SORCS3: variants seen among roughly 807,000 people sequenced by gnomAD.
SORCS3 encodes the protein sortilin related VPS10 domain containing receptor 3, also known as VPS10 domain-containing receptor SorCS3.
SORCS3 carries 57 observed loss-of-function variants against 146.3 expected under a neutral mutation model. The ratio of observed to expected loss-of-function variants is 0.39; its 90% CI spans 0.31 to 0.49. SORCS3 has a LOEUF of 0.49. Among genes scored for constraint, SORCS3 ranks in the 20% least tolerant of loss-of-function variants. The pLI is 0.92. For synonymous variants in SORCS3, 653 were observed against 618.5 expected (o/e 1.06, Z -0.83); for missense variants, 1,341 against 1,575.5 (o/e 0.85, Z 2.52).
At chr10:104,976,559 G>T (rs1195907146) in intron 3 of SORCS3, among the ~76,000 whole-genome samples, 3 of 152,094 alleles carry the variant, frequency 2.0e-5, no homozygotes, top group African/African-American at 7.2e-5. Context: ...TCCCATTACT[G>T]GGTATATACC....
intron 1 of SORCS3, among the ~76,000 whole-genome samples, chr10:104,702,239 G>T (rs1431134652): frequency 6.6e-6 from 1 of 152,166 alleles, no homozygotes; most frequent in African/African-American, 2.4e-5. Context: ...CTGCCATCCA[G>T]TTCCCTTCCT....
chr10:104,866,044 A>G (rs1049054180), intron 2 of SORCS3, among the ~76,000 whole-genome samples: 7 of 152,230 alleles, frequency 4.6e-5, no homozygotes, highest in Admixed American at 4.6e-4. Flanking sequence ...AGAAATGCAC[A>G]TAGAACAGAG....
At chr10:104,703,883 T>C (rs2016308154) in intron 1 of SORCS3, among the ~76,000 whole-genome samples, 1 of 151,354 alleles carries the variant, frequency 6.6e-6, no homozygotes, top group Non-Finnish European at 1.5e-5. Flanking sequence ...AAAATTAGAG[T>C]GTAGGAGGAT....
intron 5 of SORCS3, among the ~76,000 whole-genome samples, chr10:105,046,793 G>A (rs2055375470): frequency 6.6e-6 from 1 of 152,028 alleles, no homozygotes; most frequent in African/African-American, 2.4e-5. Context: ...CAAGAAGAAA[G>A]ACAACTGACA....
chr10:104,973,503 C>T (rs950694399), intron 3 of SORCS3, among the ~76,000 whole-genome samples: 1 of 151,966 alleles, frequency 6.6e-6, no homozygotes, highest in Non-Finnish European at 1.5e-5. Flanking sequence ...GTAGTATTCT[C>T]TGATGGTAGT....
chr10:105,039,104 G>A (rs1373617944), intron 4 of SORCS3, among the ~76,000 whole-genome samples: 1 of 152,156 alleles, frequency 6.6e-6, no homozygotes, highest in Non-Finnish European at 1.5e-5. Flanking sequence ...AGTTCCTAGA[G>A]CATAGTAGTT....
intron 3 of SORCS3, among the ~76,000 whole-genome samples, chr10:104,917,178 C>T (rs1186187083): frequency 6.6e-6 from 1 of 152,210 alleles, no homozygotes; most frequent in African/African-American, 2.4e-5. Flanking sequence ...CTTTGATCAT[C>T]AGGCTGGCTG....
intron 26 of SORCS3, 117 bp downstream of exon 26, chr10:105,262,608 T>A: frequency 9.6e-7 from 1 of 1,044,722 alleles, no homozygotes; most frequent in Non-Finnish European, 1.3e-6. Context: ...CTACCTACAG[T>A]GACAGAATCA....
At chr10:104,671,325 CTTTTTTTTTTT>C (rs771029154) in intron 1 of SORCS3, among the ~76,000 whole-genome samples, 22 of 19,204 alleles carry the variant, frequency 1.1e-3, no homozygotes, top group South Asian at 4.7e-3. Flanking sequence ...CATTCTTTTC[CTTTTTTTTTTT>C]TTTTTTTTTT....
At chr10:105,149,791 G>A (rs1589656415) in intron 9 of SORCS3, among the ~76,000 whole-genome samples, 1 of 152,234 alleles carries the variant, frequency 6.6e-6, no homozygotes, top group East Asian at 1.9e-4. Context: ...AAGAAGGGGT[G>A]CCTGAAACTC....
At chr10:104,712,721 T>G (rs545240022) in intron 1 of SORCS3, among the ~76,000 whole-genome samples, 3 of 152,210 alleles carry the variant, frequency 2.0e-5, no homozygotes, top group Non-Finnish European at 4.4e-5. Flanking sequence ...AGGATAGCTA[T>G]GGACCTACTG....
At chr10:104,849,896 T>C (rs1195623189) in intron 2 of SORCS3, among the ~76,000 whole-genome samples, 1 of 152,170 alleles carries the variant, frequency 6.6e-6, no homozygotes, top group Non-Finnish European at 1.5e-5. Context: ...AGAGAGAATA[T>C]TCCTGTCTTC....
At chr10:104,721,026 G>A (rs138843294) in intron 1 of SORCS3, among the ~76,000 whole-genome samples, 574 of 152,310 alleles carry the variant, frequency 3.8e-3, no homozygotes, top group Non-Finnish European at 6.1e-3. Flanking sequence ...ATGGCTTTTG[G>A]TGTTATAGAC....
In SORCS3 at chr10:104,665,031, G is replaced by A. The variant is rs373259205; in HGVS notation, c.627+23077G>A. ...GTGACATGTTTGAGGACTGGAGAGT[G>A]GCCTGGGAATAGAGCCTTCCAGCTG... On this transcript the variant is annotated intron_variant, in intron 1 of 26. Coordinates refer to ENST00000369701, the MANE Select transcript of SORCS3 (RefSeq NM_014978.3). 8.5e-5 allele frequency: 13 copies of A among 152,906 alleles called. 1 individual carries two copies. The East Asian group carries it at 2.1e-3, about 25-fold the overall frequency. The allele number at this position is 152,906 out of a possible 1,614,324, so 9.5% of individuals were successfully genotyped here.
intron 4 of SORCS3, among the ~76,000 whole-genome samples, chr10:105,014,122 C>CAT (rs199696544): frequency 4.8e-4 from 70 of 145,870 alleles, no homozygotes; most frequent in East Asian, 4.0e-3. Flanking sequence ...CATATATATA[C>CAT]ATATATATAT....
At chr10:104,926,525 G>T (rs910845308) in intron 3 of SORCS3, among the ~76,000 whole-genome samples, 3 of 152,132 alleles carry the variant, frequency 2.0e-5, no homozygotes, top group Non-Finnish European at 2.9e-5. Context: ...AAAAGAACCA[G>T]AAAAGACTCC....
intron 6 of SORCS3, among the ~76,000 whole-genome samples, chr10:105,093,732 A>G (rs1160359181): frequency 1.3e-5 from 2 of 152,210 alleles, no homozygotes; most frequent in Admixed American, 6.5e-5. Context: ...AAAAATGACA[A>G]TATCAAGTGC....
chr10:104,694,567 A>C (rs1447789968), intron 1 of SORCS3, among the ~76,000 whole-genome samples: 1 of 152,074 alleles, frequency 6.6e-6, no homozygotes, highest in African/African-American at 2.4e-5. Context: ...GCATAGCTCA[A>C]AGTTATCCCA....
chr10:105,060,941 A>AC (rs2133717939), intron 5 of SORCS3, among the ~76,000 whole-genome samples: 1 of 122,788 alleles, frequency 8.1e-6, no homozygotes, highest in Non-Finnish European at 1.8e-5. Flanking sequence ...CCGTCTTAAA[A>AC]CAAAAAAAAA....
Sources: allele counts gnomAD v4.1 joint callset (sites outside exome capture counted in the v4.1 genomes callset), GRCh38; gene constraint gnomAD v4.1.1; transcripts MANE v1.5; gene names NCBI Gene and HGNC (gene_info 2026-07-23, HGNC 2026-07-21).